The following GRM5 variants were observed in gnomAD, a reference collection of about 807,000 sequenced individuals.
GRM5 encodes glutamate metabotropic receptor 5.
A neutral mutation model predicts 83.1 loss-of-function variants in GRM5; 19 were observed. The observed-to-expected ratio is 0.23, with a 90% CI of 0.16 to 0.34. The LOEUF (loss-of-function observed/expected upper bound fraction) is 0.34, where lower values mean the gene tolerates loss of function less well. Ranked by LOEUF, GRM5 falls within the 10% of genes least tolerant of loss-of-function variation. The probability of loss-of-function intolerance (pLI) is 1.00; values close to 1 mark genes in which losing one functional copy is unlikely to be tolerated. For synonymous variants in GRM5, 675 were observed against 633.6 expected (o/e 1.07, Z -0.98); for missense variants, 1,160 against 1,588.3 (o/e 0.73, Z 4.58).
chr11:88,545,436 T>A (rs1230924372), intron 8 of GRM5, among the ~76,000 whole-genome samples: 1 of 152,114 alleles, frequency 6.6e-6, no homozygotes, highest in Non-Finnish European at 1.5e-5. Flanking sequence ...TTAGTCCTAT[T>A]ATTATCAAAT....
At chr11:88,601,329 G>T (rs556261070) in intron 5 of GRM5, among the ~76,000 whole-genome samples, 3 of 152,140 alleles carry the variant, frequency 2.0e-5, no homozygotes, top group African/African-American at 7.2e-5. Flanking sequence ...TCTATTTACC[G>T]CATCTGTTTG....
At chr11:88,972,230 CA>C (rs1408387110) in intron 2 of GRM5, among the ~76,000 whole-genome samples, 1 of 152,114 alleles carries the variant, frequency 6.6e-6, no homozygotes, top group East Asian at 1.9e-4. Flanking sequence ...ACCTCCCTTC[CA>C]ACCAGAGACA....
rs150209067 is a variant in GRM5 at position 88,565,361 on chromosome 11, G to T, written c.2630+1692C>A. ...AGAGAGACAAAGTAGCACTGCTGTT[G>T]TTCAAACCCAAAACAATCTGGCTAG... On this transcript the variant is annotated intron_variant, in intron 8 of 9. Coordinates refer to ENST00000305447, the MANE Select transcript of GRM5 (RefSeq NM_001143831.3). Among the ~76,000 whole-genome samples, 21 of 152,316 alleles carry T rather than the reference G, an allele frequency of 1.4e-4. No individual in the cohort carries two copies. In the East Asian group the frequency reaches 3.9e-3, roughly 28 times the overall value.
chr11:88,699,590 G>A (rs1940980696), intron 3 of GRM5, among the ~76,000 whole-genome samples: 1 of 152,180 alleles, frequency 6.6e-6, no homozygotes, highest in African/African-American at 2.4e-5. Context: ...GGGACAGCCT[G>A]CTTCGAATGA....
At chr11:88,588,087 C>T (rs995541878) in intron 7 of GRM5, among the ~76,000 whole-genome samples, 1 of 152,170 alleles carries the variant, frequency 6.6e-6, no homozygotes. Context: ...GCAAGATCAT[C>T]TTCTCCCATC....
intron 4 of GRM5, among the ~76,000 whole-genome samples, chr11:88,629,921 C>T (rs1270569848): frequency 6.6e-6 from 1 of 152,206 alleles, no homozygotes; most frequent in East Asian, 1.9e-4. Flanking sequence ...CAAGATCTCA[C>T]CTTCTGTGAC....
chr11:88,679,710 G>A (rs1940428849), intron 3 of GRM5, among the ~76,000 whole-genome samples: 1 of 152,214 alleles, frequency 6.6e-6, no homozygotes, highest in South Asian at 2.1e-4. Flanking sequence ...GGCAATTCTG[G>A]AAGGTGAATA....
At chr11:88,829,321 C>T (rs528663156) in intron 3 of GRM5, among the ~76,000 whole-genome samples, 1 of 151,876 alleles carries the variant, frequency 6.6e-6, no homozygotes, top group Non-Finnish European at 1.5e-5. Context: ...TTTGGTGGGT[C>T]GCGGAAGCAC....
At chr11:88,545,467 C>G (rs1169863017) in intron 8 of GRM5, among the ~76,000 whole-genome samples, 12 of 151,354 alleles carry the variant, frequency 7.9e-5, no homozygotes, top group Non-Finnish European at 1.8e-4. Context: ...CCCCCTCCCC[C>G]ACCCTTTGAT....
chr11:89,060,361 G>T (rs571542368), intron 1 of GRM5, among the ~76,000 whole-genome samples: 2 of 151,432 alleles, frequency 1.3e-5, no homozygotes, highest in African/African-American at 4.9e-5. Flanking sequence ...ATGGGTTATG[G>T]CAGTACATGT....
chr11:88,841,138 T>C (rs2135530603), intron 3 of GRM5, among the ~76,000 whole-genome samples: 1 of 152,330 alleles, frequency 6.6e-6, no homozygotes, highest in South Asian at 2.1e-4. Flanking sequence ...TAGAGCTCAC[T>C]TCTATTCTTT....
rs142830008 is a variant in GRM5, at chr11:88,967,388, A to G, written c.661+79824T>C. The stretch of plus-strand genomic sequence containing the variant: ...TCCATTGTATGTTGCTGTAACAGAA[A>G]ACCACGGATAAATTATAATGAACAG... On this transcript the variant is annotated intron_variant, in intron 2 of 9. Coordinates refer to ENST00000305447, the MANE Select transcript of GRM5 (RefSeq NM_001143831.3). 5.5e-3 allele frequency among the ~76,000 whole-genome samples: 825 copies of G among 148,710 alleles called. 12 individuals carry two copies. The highest frequency in any genetic ancestry group is 0.018 in the African/African-American group (734 of 40,456).
At chr11:89,061,547 A>T (rs1318022463) in intron 1 of GRM5, among the ~76,000 whole-genome samples, 1 of 152,252 alleles carries the variant, frequency 6.6e-6, no homozygotes, top group African/African-American at 2.4e-5. Context: ...CAACAATGTT[A>T]ATAATCAGAG....
chr11:88,756,778 A>T (rs1459048175), intron 3 of GRM5, among the ~76,000 whole-genome samples: 1 of 152,162 alleles, frequency 6.6e-6, no homozygotes, highest in East Asian at 1.9e-4. Context: ...GAGTAAAAAG[A>T]TAAGGGACCT....
chr11:88,918,763 A>G (rs1945637695), intron 2 of GRM5, among the ~76,000 whole-genome samples: 1 of 151,674 alleles, frequency 6.6e-6, no homozygotes, highest in African/African-American at 2.4e-5. Context: ...ATGAAGTTAA[A>G]TGTAGAGTTT....
intron 9 of GRM5, among the ~76,000 whole-genome samples, chr11:88,522,573 C>G (rs897649716): frequency 7.0e-6 from 1 of 143,104 alleles, no homozygotes; most frequent in Admixed American, 7.3e-5. Flanking sequence ...TCTCTCTTCT[C>G]TCTCTCTCTC....
At chr11:88,522,595 CTCTCTCTCTGTG>C in intron 9 of GRM5, among the ~76,000 whole-genome samples, 1 of 94,816 alleles carries the variant, frequency 1.1e-5, no homozygotes, top group African/African-American at 3.4e-5. Flanking sequence ...CTCGCTCTCT[CTCTCTCTCTGTG>C]TGTGTGTGTG....
intron 2 of GRM5, among the ~76,000 whole-genome samples, chr11:88,988,236 A>C (rs12280326): frequency 1.3e-5 from 2 of 152,156 alleles, no homozygotes; most frequent in Non-Finnish European, 1.5e-5. Context: ...TAGCCGATGC[A>C]ATCAACTGGA....
At chr11:88,518,047 G>C (rs949883842) in intron 9 of GRM5, among the ~76,000 whole-genome samples, 3 of 151,856 alleles carry the variant, frequency 2.0e-5, no homozygotes, top group African/African-American at 7.2e-5. Flanking sequence ...TGAGAATTGA[G>C]CAGAAACTGA....
Sources: gnomAD v4.1 joint callset for allele counts (sites outside exome capture counted in the v4.1 genomes callset) on GRCh38, gnomAD v4.1.1 for gene constraint, MANE v1.5 for transcripts, NCBI Gene and HGNC (gene_info 2026-07-23, HGNC 2026-07-21) for gene names.